PGBD5: variants seen among roughly 807,000 people sequenced by gnomAD.
PGBD5 encodes the protein piggyBac transposable element derived 5.
A neutral mutation model predicts 47.9 loss-of-function variants in PGBD5; 14 were observed. That is an observed-to-expected ratio of 0.29 (90% CI 0.19 to 0.46). PGBD5 has a LOEUF of 0.46. Ranked by LOEUF, PGBD5 falls within the 20% of genes least tolerant of loss-of-function variation. The pLI is 1.00. For missense variants in PGBD5, 635 were observed against 716.0 expected, an observed-to-expected ratio of 0.89 and a Z score of 1.29; for synonymous variants, 316 against 306.3, an observed-to-expected ratio of 1.03 and a Z score of -0.33.
At chr1:230,412,704 T>C (rs1298039366) in intron 1 of PGBD5, among the ~76,000 whole-genome samples, 2 of 152,102 alleles carry the variant, frequency 1.3e-5, no homozygotes, top group Admixed American at 1.3e-4. Context: ...AAAGTCTTTA[T>C]CCTCATCATC....
At chr1:230,339,551 T>C (rs942280133) in intron 3 of PGBD5, among the ~76,000 whole-genome samples, 7 of 152,320 alleles carry the variant, frequency 4.6e-5, no homozygotes, top group East Asian at 3.9e-4. Context: ...AAGAGATACC[T>C]GCACTCCCAC....
chr1:230,347,499 G>C (rs1667493569), intron 3 of PGBD5, among the ~76,000 whole-genome samples: 1 of 104,344 alleles, frequency 9.6e-6, no homozygotes, highest in Admixed American at 1.1e-4. Flanking sequence ...TTTTTTTTGA[G>C]ATGGATTTTC....
intron 3 of PGBD5, among the ~76,000 whole-genome samples, chr1:230,342,592 T>C (rs956815432): frequency 1.3e-5 from 2 of 152,166 alleles, no homozygotes; most frequent in Non-Finnish European, 2.9e-5. Flanking sequence ...CAGTCACTTG[T>C]CATGAGAGGA....
intron 1 of PGBD5, among the ~76,000 whole-genome samples, chr1:230,375,366 G>A (rs1033937542): frequency 6.6e-6 from 1 of 152,154 alleles, no homozygotes; most frequent in Non-Finnish European, 1.5e-5. Context: ...GATTAGAGGG[G>A]AGTTTATACA....
chr1:230,357,213 T>A lies in PGBD5; in HGVS notation c.440A>T (p.Lys147Met). The change falls in exon 2 of 7, where the codon AAG (lysine) becomes ATG (methionine). Residue 147 changes from lysine to methionine, a missense_variant. Lys to Met is a moderately conservative substitution (Grantham distance 95, BLOSUM62 -1). Transcript: ENST00000391860. This position sits in a 1 kb window ranked among gnomAD's most constrained non-coding sequence, Gnocchi z 5.7. ...NMVVQTNMYA[K>M]KFQERFGSDG... ...GCTCCCAAACCGCTCCTGGAACTTC[T>A]TGGCATACATGTTTGTCTGCACCAC... is the stretch of plus-strand genomic sequence containing the variant. The A allele has an allele frequency of 6.2e-7, 1 of 1,614,156 alleles. No homozygotes were observed. The highest frequency in any genetic ancestry group is 8.5e-7 in the Non-Finnish European group (1 of 1,180,012).
intron 2 of PGBD5, among the ~76,000 whole-genome samples, chr1:230,354,947 G>A (rs1349470963): frequency 1.3e-5 from 2 of 152,202 alleles, no homozygotes; most frequent in African/African-American, 4.8e-5. Context: ...AGGAGGAAGA[G>A]GTGGAAAAGT....
intron 2 of PGBD5, among the ~76,000 whole-genome samples, chr1:230,354,117 C>A (rs1162598587): frequency 6.6e-6 from 1 of 152,134 alleles, no homozygotes; most frequent in Non-Finnish European, 1.5e-5. Context: ...TACAGGAAGC[C>A]CCAGGAAGCA....
At chr1:230,406,755 T>C (rs1288775217) in intron 1 of PGBD5, among the ~76,000 whole-genome samples, 1 of 152,266 alleles carries the variant, frequency 6.6e-6, no homozygotes, top group Non-Finnish European at 1.5e-5. Context: ...AAATTCTTCA[T>C]CTGGTGATGA....
Position 230,362,450 on chromosome 1 carries a change from C to T in PGBD5, c.332-5129G>A, listed in dbSNP as rs76196701. 9.7e-3 allele frequency: 12,210 copies of T among 1,254,462 alleles called. 81 individuals are homozygous for T. The highest frequency in any genetic ancestry group is 0.011 in the Non-Finnish European group (11,115 of 968,008). The allele number at this position is 1,254,462 out of a possible 1,614,324, so 77.7% of individuals were successfully genotyped here. ...ACCTGGACCGTGGCAAGCTCTTTCC[C>T]GCCTCAAGGCCTGATCCTCCTGGAA... On this transcript the variant is annotated intron_variant, in intron 1 of 6. Coordinates refer to ENST00000391860, the MANE Select transcript of PGBD5 (RefSeq NM_001258311.2).
chr1:230,352,267 A>G (rs1320490714), intron 2 of PGBD5, among the ~76,000 whole-genome samples: 4 of 152,234 alleles, frequency 2.6e-5, no homozygotes, highest in Non-Finnish European at 5.9e-5. Flanking sequence ...TACAAAGTCT[A>G]AATACTTACC....
intron 1 of PGBD5, among the ~76,000 whole-genome samples, chr1:230,388,663 A>C (rs1336782974): frequency 2.0e-5 from 3 of 151,306 alleles, no homozygotes; most frequent in African/African-American, 4.9e-5. Context: ...GATCCACCTG[A>C]CTCGGCCTCC....
intron 1 of PGBD5, among the ~76,000 whole-genome samples, chr1:230,422,494 T>C (rs1384451659): frequency 6.6e-6 from 1 of 152,156 alleles, no homozygotes; most frequent in Non-Finnish European, 1.5e-5. Context: ...GGCTCTGCAC[T>C]CCCAGTAGGC....
At chr1:230,403,095 T>C (rs558241867) in intron 1 of PGBD5, among the ~76,000 whole-genome samples, 30 of 152,336 alleles carry the variant, frequency 2.0e-4, no homozygotes, top group African/African-American at 6.7e-4. Context: ...GCTTAGTCTA[T>C]GGCAAGCATG....
chr1:230,410,966 GGGAAGAGTAAA>G (rs1657394739), intron 1 of PGBD5, among the ~76,000 whole-genome samples: 2 of 152,082 alleles, frequency 1.3e-5, no homozygotes, highest in East Asian at 3.9e-4. Flanking sequence ...GGAAAGGTAG[GGGAAGAGTAAA>G]GGAAAAGGGA....
intron 1 of PGBD5, among the ~76,000 whole-genome samples, chr1:230,410,337 GAA>G (rs1657386113): frequency 2.0e-5 from 3 of 152,130 alleles, no homozygotes; most frequent in Non-Finnish European, 4.4e-5. Context: ...AAGACATGAA[GAA>G]GAGAAATAGA....
chr1:230,375,312 T>C (rs1667994094), intron 1 of PGBD5, among the ~76,000 whole-genome samples: 1 of 152,196 alleles, frequency 6.6e-6, no homozygotes, highest in African/African-American at 2.4e-5. Flanking sequence ...GTCAAGTCTC[T>C]GGGAAGGAAA....
intron 3 of PGBD5, among the ~76,000 whole-genome samples, chr1:230,343,920 G>T (rs1236467563): frequency 2.0e-5 from 3 of 152,230 alleles, no homozygotes; most frequent in African/African-American, 2.4e-5. Context: ...CTGGATAAAA[G>T]ATACTTGGCT....
At chr1:230,360,694 G>A (rs114012804) in intron 1 of PGBD5, among the ~76,000 whole-genome samples, 2,008 of 152,222 alleles carry the variant, frequency 0.013, 37 homozygotes, top group African/African-American at 0.045. Flanking sequence ...GAAACCATGC[G>A]AACTGTGAGT....
intron 1 of PGBD5, among the ~76,000 whole-genome samples, chr1:230,406,555 A>G (rs1657301161): frequency 6.6e-6 from 1 of 152,168 alleles, no homozygotes; most frequent in Admixed American, 6.5e-5. Flanking sequence ...TAGAAATGAC[A>G]GTTATAAAAT....
Sources: allele counts gnomAD v4.1 joint callset (sites outside exome capture counted in the v4.1 genomes callset), GRCh38; gene constraint gnomAD v4.1.1; non-coding constraint Gnocchi (gnomAD v3.1); transcripts MANE v1.5; gene names NCBI Gene and HGNC (gene_info 2026-07-23, HGNC 2026-07-21).